The following LCP2 variants were observed in gnomAD, a reference collection of about 807,000 sequenced individuals.
The protein encoded by LCP2 is lymphocyte cytosolic protein 2, also known as 76 kDa tyrosine phosphoprotein.
Under a neutral mutation model 74.5 loss-of-function variants are expected in LCP2, and 29 were observed. The ratio of observed to expected loss-of-function variants is 0.39; its 90% CI spans 0.29 to 0.53. The LOEUF (loss-of-function observed/expected upper bound fraction) is 0.53. LCP2 is among the 20% of genes least tolerant of loss of function. The pLI, the probability that LCP2 is intolerant of heterozygous loss-of-function variation, is 0.72. For synonymous variants in LCP2, 228 were observed against 229.5 expected, an observed-to-expected ratio of 0.99 and a Z score of 0.06; for missense variants, 604 against 634.6, an observed-to-expected ratio of 0.95 and a Z score of 0.52.
intron 3 of LCP2, among the ~76,000 whole-genome samples, chr5:170,283,274 G>A (rs578240213): frequency 3.9e-5 from 6 of 152,222 alleles, no homozygotes; most frequent in South Asian, 4.1e-4. Flanking sequence ...CAGCCCATTC[G>A]CAATGTGTTG....
Position 170,297,542 on chromosome 5 carries a change from A to G in LCP2, c.70T>C (p.Phe24Leu), listed in dbSNP as rs1297461573. 1.2e-6 allele frequency: 2 copies of G among 1,612,968 alleles called. No individual in the cohort carries two copies. Among genetic ancestry groups the G allele is most frequent in the Admixed American group, 3.3e-5 (2 of 59,908 alleles). ...ACAAGAGCAAGGCTTACCTTCTTGAAATAGTCAGCAAGGCTGTCGGGGTCC... is the reference window on the plus strand; with the variant it reads ...ACAAGAGCAAGGCTTACCTTCTTGAGATAGTCAGCAAGGCTGTCGGGGTCC... ...GWDPDSLADY[F>L]KKLNYKDCEK... The change falls in exon 1 of 21, where the codon TTC (phenylalanine) becomes CTC (leucine). Residue 24 changes from phenylalanine (F) to leucine (L), a missense_variant. Transcript: ENST00000046794.
intron 20 of LCP2, among the ~76,000 whole-genome samples, chr5:170,249,328 CA>C (rs796502017): frequency 2.2e-5 from 3 of 135,210 alleles, no homozygotes; most frequent in Non-Finnish European, 3.1e-5. Context: ...AACTCCATCT[CA>C]AAAAAAAATA....
chr5:170,259,467 G>C (rs1761616557), intron 14 of LCP2, among the ~76,000 whole-genome samples: 1 of 152,136 alleles, frequency 6.6e-6, no homozygotes, highest in Non-Finnish European at 1.5e-5. Flanking sequence ...GAGCAACCTT[G>C]GGAAATTAGA....
intron 3 of LCP2, among the ~76,000 whole-genome samples, chr5:170,282,235 T>C (rs1335729826): frequency 6.6e-6 from 1 of 152,094 alleles, no homozygotes; most frequent in Non-Finnish European, 1.5e-5. Flanking sequence ...TTCAGAAGAG[T>C]GTAATATTGT....
intron 3 of LCP2, 71 bp downstream of exon 3, chr5:170,287,899 G>A (rs1762210822): frequency 7.2e-7 from 1 of 1,384,694 alleles, no homozygotes; most frequent in Non-Finnish European, 1.0e-6. Flanking sequence ...AACTGACCCA[G>A]CCCCCACTCA....
intron 4 of LCP2, 117 bp downstream of exon 4, chr5:170,275,677 TG>T: frequency 1.1e-6 from 1 of 876,574 alleles, no homozygotes. Flanking sequence ...TCCAGACCCC[TG>T]GGATTCAGGG....
chr5:170,268,577 C>A, intron 7 of LCP2, 95 bp from the exon 8 acceptor site: 1 of 170,272 alleles, frequency 5.9e-6, no homozygotes. Flanking sequence ...ACCGGGGGTG[C>A]ATGATCCTTG....
chr5:170,284,687 T>TTCCTC (rs1762154044), intron 3 of LCP2, among the ~76,000 whole-genome samples: 1 of 152,152 alleles, frequency 6.6e-6, no homozygotes. Flanking sequence ...TACACATTCT[T>TTCCTC]TCCTCTCCTT....
rs73804031 is a variant in LCP2, at chr5:170,286,741, T to C, written c.188+1229A>G. Among the ~76,000 whole-genome samples the C allele has an allele frequency of 6.7e-3, 1,018 of 152,310 alleles. 10 individuals carry two copies. Among genetic ancestry groups the C allele is most frequent in the African/African-American group, 0.024 (980 of 41,570 alleles). On this transcript the variant is annotated intron_variant, in intron 3 of 20. Coordinates refer to ENST00000046794, the MANE Select transcript of LCP2 (RefSeq NM_005565.5). ...CCCCTTCCGGACAAGGGAAACCCTA[T>C]AGTCATGCTAAAAATATTCTCCTTA...
chr5:170,278,611 A>C (rs935745495), intron 3 of LCP2, among the ~76,000 whole-genome samples: 1 of 151,978 alleles, frequency 6.6e-6, no homozygotes, highest in Non-Finnish European at 1.5e-5. Flanking sequence ...GCGAGGTGGG[A>C]CTGAGGCTCA....
chr5:170,272,980 A>C (rs577628361), intron 6 of LCP2, among the ~76,000 whole-genome samples: 8 of 151,540 alleles, frequency 5.3e-5, no homozygotes, highest in Non-Finnish European at 8.8e-5. Flanking sequence ...TCTTCAGCAA[A>C]GCCTCCTTCT....
Position 170,248,692 on chromosome 5 carries a change from A to G in LCP2, c.*5T>C. ...AGGACGGTTCATTTGCTCGGCTATA[A>G]CTTGCTATGGGTACCCTGCAGCATG... On this transcript the variant is annotated 3_prime_UTR_variant, in exon 21 of 21. Transcript: ENST00000046794. 6.2e-7 allele frequency: 1 copy of G among 1,611,674 alleles called. No homozygotes were observed. Among genetic ancestry groups the G allele is most frequent in the African/African-American group, 1.3e-5 (1 of 74,890 alleles).
chr5:170,289,002 G>A (rs1762231852), intron 2 of LCP2, among the ~76,000 whole-genome samples: 2 of 152,238 alleles, frequency 1.3e-5, no homozygotes, highest in Admixed American at 1.3e-4. Flanking sequence ...TAAGGCCAGA[G>A]GGCTGGGTAG....
rs927990360 is a variant in LCP2 at position 170,256,176 on chromosome 5, T to C, written c.1150+350A>G. Among the ~76,000 whole-genome samples the C allele has an allele frequency of 3.9e-5, 6 of 152,210 alleles. No individual in the cohort carries two copies. Among genetic ancestry groups the C allele is most frequent in the African/African-American group, 1.4e-4 (6 of 41,460 alleles). ...AGGTGTGTCCATGTATGTATGTGTG[T>C]ATGCATGTGCATGTGTGTGCATGTA... On this transcript the variant is annotated intron_variant, in intron 17 of 20. Coordinates refer to ENST00000046794, the MANE Select transcript of LCP2 (RefSeq NM_005565.5). This position sits in a 1 kb window ranked among gnomAD's most constrained non-coding sequence, Gnocchi z 4.5.
At position 170,248,875 on chromosome 5, in the gene LCP2, C is replaced by G. The variant is rs200285093; in HGVS notation, c.1480-56G>C. The stretch of plus-strand genomic sequence containing the variant: ...ACATTGGAATGAAAAGCAGGAACTT[C>G]ACTTTCAGTTTTTTTATCTGCATAA... On this transcript the variant is annotated intron_variant, in intron 20 of 20. Coordinates refer to ENST00000046794, the MANE Select transcript of LCP2 (RefSeq NM_005565.5). The G allele has an allele frequency of 7.2e-5, 114 of 1,580,452 alleles. No homozygotes were observed. In the African/African-American group the frequency reaches 1.4e-3, roughly 19 times the overall value.
Position 170,268,406 on chromosome 5 carries a change from TG to T in LCP2, c.599del (p.Pro200HisfsTer36). ...CTACCGAGTGATTCCGGCCGGCTGG[TG>T]GGGGCGGGAGGGCGGCCATCGGTCT... is the stretch of plus-strand genomic sequence containing the variant. ...PQRPMAALPP[P>X]PAGRNHSPLP... On this transcript the variant is annotated frameshift_variant, in exon 8 of 21. Transcript: ENST00000046794. LOFTEE classifies it high-confidence loss of function. 2.8e-5 allele frequency: 13 copies of T among 466,404 alleles called. No homozygotes were observed. Among genetic ancestry groups the T allele is most frequent in the South Asian group, 8.6e-5 (1 of 11,610 alleles). The allele number at this position is 466,404 out of a possible 1,614,324, so 28.9% of individuals were successfully genotyped here. A position where few individuals can be genotyped will look rare whatever the true frequency, so the allele number is the denominator to read the frequency against.
At chr5:170,272,592 A>ATCTTCTTTTTTTTTT (rs1761913008) in intron 6 of LCP2, among the ~76,000 whole-genome samples, 1 of 34,312 alleles carries the variant, frequency 2.9e-5, no homozygotes, top group African/African-American at 8.9e-5. Context: ...CCCATCAAAT[A>ATCTTCTTTTTTTTTT]TTTTCTTTTT....
At chr5:170,293,496 C>A in intron 1 of LCP2, 124 bp from the exon 2 acceptor site, 1 of 862,688 alleles carries the variant, frequency 1.2e-6, no homozygotes. Flanking sequence ...TCCCCACTGC[C>A]CTCCCTTGGC....
intron 1 of LCP2, among the ~76,000 whole-genome samples, chr5:170,293,776 T>G (rs1762328109): frequency 6.6e-6 from 1 of 152,256 alleles, no homozygotes; most frequent in Admixed American, 6.5e-5. Context: ...ATTGAGGTTA[T>G]GATTTATATT....
Sources: allele counts gnomAD v4.1 joint callset (sites outside exome capture counted in the v4.1 genomes callset), GRCh38; gene constraint gnomAD v4.1.1; non-coding constraint Gnocchi (gnomAD v3.1); transcripts MANE v1.5; gene names NCBI Gene and HGNC (gene_info 2026-07-23, HGNC 2026-07-21).